Variants in THRB observed in about 807,000 individuals in gnomAD.
The protein encoded by THRB is nuclear receptor subfamily 1 group A member 2.
Under a neutral mutation model 47.8 loss-of-function variants are expected in THRB, and 12 were observed. That is an observed-to-expected ratio of 0.25 (90% CI 0.16 to 0.41). The LOEUF (loss-of-function observed/expected upper bound fraction) is 0.41. THRB is among the 10% of genes least tolerant of loss of function. The pLI, the probability that THRB is intolerant of heterozygous loss-of-function variation, is 1.00. For synonymous variants in THRB, 218 were observed against 212.2 expected, an observed-to-expected ratio of 1.03 and a Z score of -0.24; for missense variants, 348 against 589.2, an observed-to-expected ratio of 0.59 and a Z score of 4.24.
chr3:24,183,255 T>G (rs578059014), intron 5 of THRB, among the ~76,000 whole-genome samples: 1 of 152,270 alleles, frequency 6.6e-6, no homozygotes, highest in African/African-American at 2.4e-5. Flanking sequence ...TGTGTTTATA[T>G]TCTAAGAACA....
At chr3:24,196,548 C>G (rs970676790) in intron 4 of THRB, among the ~76,000 whole-genome samples, 1 of 152,162 alleles carries the variant, frequency 6.6e-6, no homozygotes, top group African/African-American at 2.4e-5. Flanking sequence ...GCCTTACTCT[C>G]CAAACTCTTC....
chr3:24,374,236 C>G (rs1227713269), intron 1 of THRB, among the ~76,000 whole-genome samples: 2 of 151,986 alleles, frequency 1.3e-5, no homozygotes, highest in African/African-American at 4.8e-5. Flanking sequence ...GTAGGCTCCA[C>G]TCAGAACCAA....
Position 24,392,407 on chromosome 3 carries a change from T to G in THRB, c.-260-55036A>C, listed in dbSNP as rs1354388044. 2.0e-5 allele frequency among the ~76,000 whole-genome samples: 3 copies of G among 152,154 alleles called. No individual in the cohort carries two copies. In the East Asian group the frequency reaches 5.8e-4, roughly 29 times the overall value. The stretch of plus-strand genomic sequence containing the variant: ...GGTACATTACAACTCTTCTACCTAT[T>G]TAAAAATATACAATAAGCTATTGTT... On this transcript the variant is annotated intron_variant, in intron 1 of 10. Transcript: ENST00000646209.
chr3:24,135,117 T>C (rs575189570), intron 8 of THRB, among the ~76,000 whole-genome samples: 2 of 152,306 alleles, frequency 1.3e-5, no homozygotes, highest in South Asian at 4.1e-4. Flanking sequence ...CTGGGCCCAC[T>C]CTTTGAGAAC....
At position 24,228,970 on chromosome 3, in the gene THRB, T is replaced by A. The variant is rs755533810; in HGVS notation, c.-11A>T. 6.2e-7 allele frequency: 1 copy of A among 1,611,018 alleles called. No individual in the cohort carries two copies. Among genetic ancestry groups the A allele is most frequent in the Non-Finnish European group, 8.5e-7 (1 of 1,178,172 alleles). Reference sequence around the variant, plus strand: ...ACTGTTGGGAGTCATAGGTTAGTAATCATTCTGGATCCCTTTTTTCACTGA... The same window carrying A: ...ACTGTTGGGAGTCATAGGTTAGTAAACATTCTGGATCCCTTTTTTCACTGA... On this transcript the variant is annotated 5_prime_UTR_variant, in exon 4 of 11. Transcript: ENST00000646209.
intron 3 of THRB, among the ~76,000 whole-genome samples, chr3:24,270,247 C>G (rs748252194): frequency 1.3e-5 from 2 of 152,210 alleles, no homozygotes; most frequent in Admixed American, 6.5e-5. Context: ...GTGTTAGACA[C>G]TTAACCAGGT....
intron 1 of THRB, among the ~76,000 whole-genome samples, chr3:24,457,429 T>C (rs1481514418): frequency 6.6e-6 from 1 of 152,138 alleles, no homozygotes; most frequent in Non-Finnish European, 1.5e-5. Context: ...AATGAGAAAA[T>C]ATATGTCTTC....
At chr3:24,483,110 T>A (rs933098843) in intron 1 of THRB, among the ~76,000 whole-genome samples, 8 of 152,118 alleles carry the variant, frequency 5.3e-5, no homozygotes, top group Non-Finnish European at 1.2e-4. Context: ...AGGTAAAATA[T>A]GCATAGTTAG....
chr3:24,298,159 T>C (rs2056606018), intron 2 of THRB, among the ~76,000 whole-genome samples: 1 of 152,234 alleles, frequency 6.6e-6, no homozygotes, highest in Non-Finnish European at 1.5e-5. Flanking sequence ...GATATTTATT[T>C]ATTTATTTTG....
At chr3:24,302,794 A>G (rs1377259764) in intron 2 of THRB, among the ~76,000 whole-genome samples, 2 of 152,342 alleles carry the variant, frequency 1.3e-5, no homozygotes, top group East Asian at 1.9e-4. Flanking sequence ...CAACTAATAT[A>G]TAAGCCCTAT....
In THRB at chr3:24,434,928, CAGCAAT is replaced by C. The variant is rs2070791608; in HGVS notation, c.-261+59718_-261+59723del. ...CATCGGAATTTTACTGTGTAGCATT[CAGCAAT>C]TAAAGAGACAACTATCATGAGGAAT... On this transcript the variant is annotated intron_variant, in intron 1 of 10. Transcript: ENST00000646209. Among the ~76,000 whole-genome samples the C allele has an allele frequency of 3.9e-5, 6 of 152,246 alleles. No homozygotes were observed. The South Asian group carries it at 1.2e-3, about 32-fold the overall frequency.
chr3:24,257,669 G>C (rs1303043539), intron 3 of THRB, among the ~76,000 whole-genome samples: 1 of 152,212 alleles, frequency 6.6e-6, no homozygotes, highest in Non-Finnish European at 1.5e-5. Context: ...ACAATGTTAA[G>C]TGAATGAGCA....
chr3:24,172,989 T>C (rs1290023469), intron 5 of THRB, among the ~76,000 whole-genome samples: 1 of 152,222 alleles, frequency 6.6e-6, no homozygotes, highest in Non-Finnish European at 1.5e-5. Flanking sequence ...GAACAGCCTT[T>C]TGTGGTTCCA....
intron 8 of THRB, 96 bp downstream of exon 8, chr3:24,143,405 C>T (rs192651649): frequency 3.3e-6 from 4 of 1,217,972 alleles, no homozygotes; most frequent in Non-Finnish European, 4.9e-6. Context: ...TAAAATGAGG[C>T]AATAACACCA....
chr3:24,396,573 A>C (rs2066981300), intron 1 of THRB, among the ~76,000 whole-genome samples: 1 of 152,094 alleles, frequency 6.6e-6, no homozygotes, highest in Non-Finnish European at 1.5e-5. Context: ...GTGAGAAGAC[A>C]CTGCACCTCC....
intron 1 of THRB, among the ~76,000 whole-genome samples, chr3:24,480,836 A>G (rs902137295): frequency 2.6e-5 from 4 of 152,226 alleles, no homozygotes; most frequent in African/African-American, 9.7e-5. Context: ...TTAAGAAATA[A>G]AAGGCCAAAG....
intron 5 of THRB, among the ~76,000 whole-genome samples, chr3:24,181,861 A>C (rs2041938970): frequency 6.6e-6 from 1 of 152,216 alleles, no homozygotes; most frequent in South Asian, 2.1e-4. Flanking sequence ...CATTTGGAGA[A>C]GCTAATGACT....
intron 5 of THRB, among the ~76,000 whole-genome samples, chr3:24,181,758 C>T (rs1160371440): frequency 6.6e-6 from 1 of 152,204 alleles, no homozygotes; most frequent in East Asian, 1.9e-4. Flanking sequence ...CCCTTGCTAT[C>T]CTTACCCTGT....
intron 1 of THRB, among the ~76,000 whole-genome samples, chr3:24,339,448 A>G (rs1268169091): frequency 6.6e-6 from 1 of 152,228 alleles, no homozygotes; most frequent in Non-Finnish European, 1.5e-5. Flanking sequence ...CAAACAGTGC[A>G]GAAGAGGCCA....
Sources: allele counts gnomAD v4.1 joint callset (sites outside exome capture counted in the v4.1 genomes callset), GRCh38; gene constraint gnomAD v4.1.1; transcripts MANE v1.5; gene names NCBI Gene and HGNC (gene_info 2026-07-23, HGNC 2026-07-21).